The following MBD5 variants were observed in gnomAD, a reference collection of about 807,000 sequenced individuals.
MBD5 encodes the protein methyl-CpG-binding domain protein 5.
Under a neutral mutation model 117.3 loss-of-function variants are expected in MBD5, and 13 were observed. The ratio of observed to expected loss-of-function variants is 0.11; its 90% CI spans 0.07 to 0.18. The LOEUF is 0.18. Among genes scored for constraint, MBD5 ranks in the 10% least tolerant of loss-of-function variants. The probability of loss-of-function intolerance (pLI) is 1.00; values close to 1 mark genes in which losing one functional copy is unlikely to be tolerated. For missense variants in MBD5, 1,879 were observed against 2,093.8 expected (o/e 0.90, Z 2.00); for synonymous variants, 727 against 766.4 (o/e 0.95, Z 0.85).
chr2:148,262,330 C>T (rs1157130007), intron 3 of MBD5, among the ~76,000 whole-genome samples: 1 of 151,892 alleles, frequency 6.6e-6, no homozygotes, highest in Non-Finnish European at 1.5e-5. Flanking sequence ...TAACATGAAT[C>T]TCTTTTATCA....
intron 2 of MBD5, among the ~76,000 whole-genome samples, chr2:148,209,436 G>A (rs148200031): frequency 2.6e-5 from 4 of 151,998 alleles, no homozygotes; most frequent in Admixed American, 6.6e-5. Context: ...TGAAGAACAG[G>A]CTCTTGCCAG....
At chr2:148,226,734 GTAAAAGTGT>G (rs1699832856) in intron 2 of MBD5, among the ~76,000 whole-genome samples, 1 of 152,176 alleles carries the variant, frequency 6.6e-6, no homozygotes. Flanking sequence ...CACCAGCAGT[GTAAAAGTGT>G]TCCTATTTCT....
At chr2:148,267,684 T>C (rs928889973) in intron 3 of MBD5, among the ~76,000 whole-genome samples, 2 of 152,144 alleles carry the variant, frequency 1.3e-5, no homozygotes, top group Non-Finnish European at 2.9e-5. Flanking sequence ...AAATAATACA[T>C]AGTGTTCTTT....
intron 4 of MBD5, among the ~76,000 whole-genome samples, chr2:148,448,409 T>G (rs1559076283): frequency 1.3e-5 from 2 of 152,016 alleles, no homozygotes; most frequent in African/African-American, 4.8e-5. Flanking sequence ...ACAGTGTATT[T>G]GGGTGGGTTT....
chr2:148,471,324 A>G (rs899283165), intron 8 of MBD5: 2 of 152,194 alleles, frequency 1.3e-5, no homozygotes, highest in Non-Finnish European at 2.9e-5. Context: ...AAAACTGTAC[A>G]GAAGCACCTA....
At chr2:148,144,479 T>C (rs1277180987) in intron 1 of MBD5, among the ~76,000 whole-genome samples, 1 of 152,242 alleles carries the variant, frequency 6.6e-6, no homozygotes, top group Non-Finnish European at 1.5e-5. Flanking sequence ...ATTTTGGCTT[T>C]GGTTGCCATT....
chr2:148,339,264 A>T (rs1037035834), intron 3 of MBD5, among the ~76,000 whole-genome samples: 1 of 152,106 alleles, frequency 6.6e-6, no homozygotes, highest in Non-Finnish European at 1.5e-5. Flanking sequence ...ATCTAAAAAA[A>T]TCTTGTTTTT....
intron 2 of MBD5, among the ~76,000 whole-genome samples, chr2:148,198,044 A>G (rs1369937523): frequency 2.0e-5 from 3 of 151,218 alleles, no homozygotes; most frequent in Admixed American, 6.6e-5. Context: ...CAAACTCCTG[A>G]CCTCAGGTGA....
In MBD5 at chr2:148,405,859, C is replaced by T. The variant is rs549362129; in HGVS notation, c.-556-52344C>T. 1.3e-3 allele frequency among the ~76,000 whole-genome samples: 200 copies of T among 152,182 alleles called. 4 individuals are homozygous for T. In the South Asian group the frequency reaches 0.041, roughly 31 times the overall value. On this transcript the variant is annotated intron_variant, in intron 4 of 13. Coordinates refer to ENST00000642680, the MANE Select transcript of MBD5 (RefSeq NM_001378120.1). ...GGTAGCTGGGCATAGTGGCTCCTGCCTGTAGTCTCAGCACTTTGGGGCACT... is the reference window on the plus strand; with the variant it reads ...GGTAGCTGGGCATAGTGGCTCCTGCTTGTAGTCTCAGCACTTTGGGGCACT...
chr2:148,156,588 C>T (rs984576262), intron 1 of MBD5, among the ~76,000 whole-genome samples: 2 of 152,186 alleles, frequency 1.3e-5, no homozygotes, highest in Admixed American at 1.3e-4. Context: ...TCTACAAAAC[C>T]TGTTTACATG....
intron 4 of MBD5, among the ~76,000 whole-genome samples, chr2:148,400,643 G>A (rs1478678921): frequency 6.6e-6 from 1 of 152,182 alleles, no homozygotes; most frequent in East Asian, 1.9e-4. Context: ...CAGTAAATCA[G>A]AAGAGTTCCC....
intron 1 of MBD5, among the ~76,000 whole-genome samples, chr2:148,090,122 C>T (rs1220338693): frequency 6.6e-6 from 1 of 151,868 alleles, no homozygotes; most frequent in Non-Finnish European, 1.5e-5. Flanking sequence ...TACAAGCCTC[C>T]TAGATTAAAT....
intron 2 of MBD5, among the ~76,000 whole-genome samples, chr2:148,228,354 A>G (rs558825705): frequency 1.3e-4 from 20 of 152,284 alleles, no homozygotes; most frequent in African/African-American, 4.8e-4. Context: ...CCTTTTCTGC[A>G]TCTATTGAGA....
rs200344212 is a variant in MBD5, at chr2:148,485,699, G to A, written c.3545-43G>A. 3,098 of 1,449,180 alleles carry A rather than the reference G, an allele frequency of 2.1e-3. 12 individuals carry two copies. The highest frequency in any genetic ancestry group is 1.5e-3 in the Non-Finnish European group (1,592 of 1,051,910). 89.8% of individuals were successfully genotyped at this position (1,449,180 alleles called of 1,614,324 possible). ...GTACAAAGAGAGGCATCGAATCTCCGAAGAATCACATTTATTTATATTTTA... is the reference window on the plus strand; with the variant it reads ...GTACAAAGAGAGGCATCGAATCTCCAAAGAATCACATTTATTTATATTTTA... On this transcript the variant is annotated intron_variant, in intron 9 of 13. Coordinates refer to ENST00000642680, the MANE Select transcript of MBD5 (RefSeq NM_001378120.1).
At chr2:148,106,474 G>T (rs866603175) in intron 1 of MBD5, among the ~76,000 whole-genome samples, 2 of 151,622 alleles carry the variant, frequency 1.3e-5, no homozygotes, top group Non-Finnish European at 2.9e-5. Context: ...CTCTTGAAAA[G>T]AAAAACATAT....
chr2:148,462,478 GA>G, intron 5 of MBD5, 103 bp from the exon 6 acceptor site: 1 of 769,362 alleles, frequency 1.3e-6, no homozygotes. Flanking sequence ...TCCCTAGTGG[GA>G]AAATATCCCA....
chr2:148,216,930 A>T (rs1699570594), intron 2 of MBD5, among the ~76,000 whole-genome samples: 1 of 152,168 alleles, frequency 6.6e-6, no homozygotes, highest in Non-Finnish European at 1.5e-5. Flanking sequence ...AATATTAGAG[A>T]TGAAATGAAA....
chr2:148,322,312 T>C (rs1231111051), intron 3 of MBD5, among the ~76,000 whole-genome samples: 1 of 152,242 alleles, frequency 6.6e-6, no homozygotes, highest in African/African-American at 2.4e-5. Context: ...GTCATTCTTG[T>C]TGTACATAAC....
intron 4 of MBD5, among the ~76,000 whole-genome samples, chr2:148,370,668 T>C (rs1703827086): frequency 6.6e-6 from 1 of 152,058 alleles, no homozygotes; most frequent in South Asian, 2.1e-4. Flanking sequence ...TATGTATTTT[T>C]AGTAGAGACA....
Sources: allele counts gnomAD v4.1 joint callset (sites outside exome capture counted in the v4.1 genomes callset), GRCh38; gene constraint gnomAD v4.1.1; transcripts MANE v1.5; gene names NCBI Gene and HGNC (gene_info 2026-07-23, HGNC 2026-07-21).